The following TSGA10 variants were observed in gnomAD, a reference collection of about 807,000 sequenced individuals.
The protein encoded by TSGA10 is testis specific 10, also known as testis-specific gene 10 protein.
A neutral mutation model predicts 96.6 loss-of-function variants in TSGA10; 43 were observed. The observed-to-expected ratio is 0.44, with a 90% confidence interval of 0.35 to 0.57. TSGA10 has a LOEUF of 0.57. Ranked by LOEUF, TSGA10 falls within the 20% of genes least tolerant of loss-of-function variation. The pLI, the probability that TSGA10 is intolerant of heterozygous loss-of-function variation, is 0.01. For synonymous variants in TSGA10, 229 were observed against 269.9 expected (o/e 0.85, Z 1.48); for missense variants, 703 against 834.4 (o/e 0.84, Z 1.94).
intron 15 of TSGA10, among the ~76,000 whole-genome samples, chr2:99,068,186 C>T (rs2085488354): frequency 6.6e-6 from 1 of 151,922 alleles, no homozygotes; most frequent in African/African-American, 2.4e-5. Flanking sequence ...ACTATGCATA[C>T]CATAAATAAA....
intron 1 of TSGA10, among the ~76,000 whole-genome samples, chr2:99,149,859 A>C (rs11684610): frequency 0.61 from 87,108 of 143,476 alleles, 26,700 homozygotes; most frequent in East Asian, 0.89. Flanking sequence ...GTGGTGCAAT[A>C]TTGGCTCACT....
intron 16 of TSGA10, among the ~76,000 whole-genome samples, chr2:99,046,447 C>A (rs1183132814): frequency 1.3e-5 from 2 of 152,122 alleles, no homozygotes; most frequent in Admixed American, 6.5e-5. Context: ...TACATGGAAA[C>A]TGAACAACCT....
At chr2:99,022,143 T>C (rs981283563) in intron 17 of TSGA10, among the ~76,000 whole-genome samples, 4 of 151,832 alleles carry the variant, frequency 2.6e-5, no homozygotes, top group African/African-American at 9.7e-5. Context: ...CTGGGCAACA[T>C]GGTGAAACTC....
At chr2:99,006,601 T>C (rs1230909015) in intron 20 of TSGA10, among the ~76,000 whole-genome samples, 5 of 152,136 alleles carry the variant, frequency 3.3e-5, no homozygotes, top group Non-Finnish European at 7.3e-5. Flanking sequence ...TGAGATACCA[T>C]CTCACACCAG....
intron 17 of TSGA10, among the ~76,000 whole-genome samples, chr2:99,033,390 G>C: frequency 6.6e-6 from 1 of 152,170 alleles, no homozygotes; most frequent in Non-Finnish European, 1.5e-5. Context: ...TGAGTTATGA[G>C]AGCAACTTCA....
chr2:99,085,278 C>T (rs1192952090), intron 10 of TSGA10, among the ~76,000 whole-genome samples: 1 of 151,216 alleles, frequency 6.6e-6, no homozygotes, highest in Non-Finnish European at 1.5e-5. Context: ...TTAAAAAATG[C>T]ATCCAAAAAA....
intron 1 of TSGA10, among the ~76,000 whole-genome samples, chr2:99,137,886 C>CA (rs35439305): frequency 1.2e-3 from 143 of 115,940 alleles, no homozygotes; most frequent in African/African-American, 2.9e-3. Flanking sequence ...GACTCCATGT[C>CA]AAAAAAAAAA....
Position 99,032,890 on chromosome 2 carries a change from C to T in TSGA10, c.1614+2340G>A, listed in dbSNP as rs188213745. Among the ~76,000 whole-genome samples, 14 of 152,306 alleles carry T rather than the reference C, an allele frequency of 9.2e-5. No homozygotes were observed. The Middle Eastern group carries it at 0.01, about 111-fold the overall frequency. ...TATGCAATCCAGGTTGACGAGTCTA[C>T]GGATGTTGACGGCAAGGCAACAATG... On this transcript the variant is annotated intron_variant, in intron 17 of 20. Coordinates refer to ENST00000393483, the MANE Select transcript of TSGA10 (RefSeq NM_025244.4).
At position 99,082,965 on chromosome 2, in the gene TSGA10, AT is replaced by A. The variant is rs376185878; in HGVS notation, c.612-1569del. On this transcript the variant is annotated intron_variant, in intron 10 of 20. Coordinates refer to ENST00000393483, the MANE Select transcript of TSGA10 (RefSeq NM_025244.4). ...TCAGTGGACAAGTTAAAAATACAGA[AT>A]AGACACTGTGAAAGAGATAACTGGT... Among the ~76,000 whole-genome samples the A allele has an allele frequency of 2.8e-3, 423 of 152,292 alleles. 2 individuals are homozygous for A. The highest frequency in any genetic ancestry group is 9.5e-3 in the African/African-American group (397 of 41,576).
chr2:99,130,507 T>A (rs1024844033), intron 1 of TSGA10, among the ~76,000 whole-genome samples: 1 of 152,236 alleles, frequency 6.6e-6, no homozygotes, highest in Non-Finnish European at 1.5e-5. Flanking sequence ...TTAAGTTCCT[T>A]ATAGATTCTA....
rs540612104 is a variant in TSGA10 at position 99,090,464 on chromosome 2, T to G, written c.612-9067A>C. On this transcript the variant is annotated intron_variant, in intron 10 of 20. Transcript: ENST00000393483. ...CCAGAAAAAGAATTCAGAAGGTCAG[T>G]TATTAAGCTAATCAAGGAGGCACCA... Among the ~76,000 whole-genome samples, 3 of 152,276 alleles carry G rather than the reference T, an allele frequency of 2.0e-5. No individual in the cohort carries two copies. In the South Asian group the frequency reaches 6.2e-4, roughly 32 times the overall value.
intron 10 of TSGA10, among the ~76,000 whole-genome samples, chr2:99,093,026 C>T (rs911886670): frequency 2.6e-5 from 4 of 151,996 alleles, no homozygotes; most frequent in Admixed American, 2.6e-4. Flanking sequence ...TAACCAAATC[C>T]AACAGCATAT....
chr2:99,068,517 A>G (rs1249998166), intron 15 of TSGA10, among the ~76,000 whole-genome samples: 1 of 152,208 alleles, frequency 6.6e-6, no homozygotes. Flanking sequence ...AGATGGTCCC[A>G]TAACAGGGTA....
At chr2:99,069,607 T>A (rs2085678771) in intron 14 of TSGA10, among the ~76,000 whole-genome samples, 2 of 149,802 alleles carry the variant, frequency 1.3e-5, no homozygotes, top group African/African-American at 5.0e-5. Flanking sequence ...GAGACCAGCC[T>A]GAACAACATA....
chr2:99,022,222 C>T (rs990239548), intron 17 of TSGA10, among the ~76,000 whole-genome samples: 1 of 148,286 alleles, frequency 6.7e-6, no homozygotes, highest in South Asian at 2.1e-4. Context: ...AGCTACTCAG[C>T]AGGCTGAGGT....
chr2:99,080,581 T>A (rs898742889), intron 11 of TSGA10, among the ~76,000 whole-genome samples: 20 of 152,254 alleles, frequency 1.3e-4, no homozygotes, highest in Middle Eastern at 3.4e-3. Flanking sequence ...AAATGTGAGT[T>A]CTCCTTCAAT....
intron 16 of TSGA10, among the ~76,000 whole-genome samples, chr2:99,045,583 G>A (rs563515714): frequency 3.3e-5 from 5 of 152,248 alleles, no homozygotes; most frequent in Non-Finnish European, 5.9e-5. Context: ...CCTGAAGGAA[G>A]CACTAAACAT....
intron 16 of TSGA10, among the ~76,000 whole-genome samples, chr2:99,042,039 C>CCTTTTTTTTTTTTTTTTT (rs1558816084): frequency 7.1e-6 from 1 of 140,110 alleles, no homozygotes; most frequent in African/African-American, 2.8e-5. Context: ...TGCCCCCCCA[C>CCTTTTTTTTTTTTTTTTT]ATTTTTTTTT....
intron 10 of TSGA10, among the ~76,000 whole-genome samples, chr2:99,094,554 T>TA (rs1007723507): frequency 2.6e-5 from 4 of 151,164 alleles, no homozygotes; most frequent in Non-Finnish European, 5.9e-5. Context: ...AAATTAGCAA[T>TA]AAAAAAACAA....
Sources: allele counts gnomAD v4.1 joint callset (sites outside exome capture counted in the v4.1 genomes callset), GRCh38; gene constraint gnomAD v4.1.1; transcripts MANE v1.5; gene names NCBI Gene and HGNC (gene_info 2026-07-23, HGNC 2026-07-21).